Variants in BLTP1 observed in about 807,000 individuals in gnomAD.
BLTP1 encodes the protein fragile site-associated protein.
At chr4:122,234,870 A>G in the BLTP1 span, 12 of 1,613,454 alleles carry the variant, frequency 7.4e-6, no homozygotes, top group Non-Finnish European at 1.0e-5. Context: ...TGGCACAGTA[A>G]CTGGCCTAGA....
the BLTP1 span, among the ~76,000 whole-genome samples, chr4:122,280,822 A>G: frequency 1.3e-5 from 2 of 152,250 alleles, no homozygotes; most frequent in African/African-American, 4.8e-5. Context: ...TTCTGATATA[A>G]TGTTTAATCA....
chr4:122,179,893 A>G, the BLTP1 span: 52 of 985,076 alleles, frequency 5.3e-5, no homozygotes, highest in Admixed American at 6.2e-5. Context: ...CCCCCCACAT[A>G]CAGACAGGGG....
At chr4:122,345,759 C>G in the BLTP1 span, among the ~76,000 whole-genome samples, 1 of 151,910 alleles carries the variant, frequency 6.6e-6, no homozygotes, top group African/African-American at 2.4e-5. Context: ...CTTGAGGAGG[C>G]TGCTGAAGTA....
chr4:122,299,872 G>T, the BLTP1 span: 1 of 984,820 alleles, frequency 1.0e-6, no homozygotes, highest in Non-Finnish European at 1.2e-6. Context: ...AAAAGAAAAT[G>T]TAATCTGTAT....
the BLTP1 span, among the ~76,000 whole-genome samples, chr4:122,317,787 G>GA: frequency 1.3e-5 from 2 of 151,916 alleles, no homozygotes; most frequent in Non-Finnish European, 2.9e-5. Context: ...GGTCTCAGGG[G>GA]AAAAAATGAC....
the BLTP1 span, chr4:122,304,610 C>CA: frequency 3.3e-6 from 2 of 601,266 alleles, no homozygotes; most frequent in Non-Finnish European, 4.2e-6. Flanking sequence ...CACTGGAAAA[C>CA]AAAAAAATTT....
the BLTP1 span, chr4:122,274,695 T>A: frequency 1.1e-6 from 1 of 921,888 alleles, no homozygotes; most frequent in Non-Finnish European, 1.3e-6. Flanking sequence ...CAGCCTTTGA[T>A]AATTTAGGTC....
chr4:122,163,361 C>T, the BLTP1 span, among the ~76,000 whole-genome samples: 1 of 152,180 alleles, frequency 6.6e-6, no homozygotes, highest in Non-Finnish European at 1.5e-5. Flanking sequence ...AGAGCAAGGA[C>T]AATTTGAGTG....
At chr4:122,291,779 G>A in the BLTP1 span, 1 of 973,094 alleles carries the variant, frequency 1.0e-6, no homozygotes, top group Non-Finnish European at 1.2e-6. Flanking sequence ...TGGAATTAAT[G>A]CAAATAATAT....
At chr4:122,224,823 A>G in the BLTP1 span, 8 of 1,546,402 alleles carry the variant, frequency 5.2e-6, no homozygotes, top group Non-Finnish European at 7.0e-6. Flanking sequence ...GCCATTCAGA[A>G]TTTTAGTTAT....
chr4:122,279,924 G>A, the BLTP1 span: 2 of 1,614,104 alleles, frequency 1.2e-6, no homozygotes, highest in East Asian at 2.2e-5. Context: ...ATGATGGTTC[G>A]AAGTTCTCAC....
At chr4:122,290,982 C>T in the BLTP1 span, 1 of 858,122 alleles carries the variant, frequency 1.2e-6, no homozygotes, top group Non-Finnish European at 1.4e-6. Context: ...TGTGGAGTTC[C>T]TAGTATCAGA....
At chr4:122,349,819 T>C in the BLTP1 span, 4 of 1,607,714 alleles carry the variant, frequency 2.5e-6, no homozygotes, top group African/African-American at 5.3e-5. The surrounding 1 kb of genome is among the most constrained non-coding windows in gnomAD (Gnocchi z 4.5). Flanking sequence ...GAGTATCTGC[T>C]GTAAGACATC....
At chr4:122,309,287 G>A in the BLTP1 span, 1 of 1,612,618 alleles carries the variant, frequency 6.2e-7, no homozygotes, top group Non-Finnish European at 8.5e-7. Context: ...TGGAGACCTT[G>A]ACACTGGTTC....
At chr4:122,359,452 G>T in the BLTP1 span, 1 of 1,462,600 alleles carries the variant, frequency 6.8e-7, no homozygotes, top group African/African-American at 1.4e-5. Flanking sequence ...ATTAAATGAG[G>T]CTTTGGCCAG....
At chr4:122,172,368 T>C in the BLTP1 span, 1 of 690,114 alleles carries the variant, frequency 1.4e-6, no homozygotes, top group Non-Finnish European at 1.8e-6. Flanking sequence ...GTTTTGCCTT[T>C]TGTATATTCA....
the BLTP1 span, chr4:122,271,185 G>C: frequency 6.2e-7 from 1 of 1,613,938 alleles, no homozygotes; most frequent in East Asian, 2.2e-5. Flanking sequence ...ACCTTTCACT[G>C]CAACTTTACT....
chr4:122,189,140 T>A, the BLTP1 span: 1 of 878,498 alleles, frequency 1.1e-6, no homozygotes, highest in Middle Eastern at 5.8e-4. Flanking sequence ...ATTAATAATT[T>A]GTATAAAAAG....
chr4:122,155,272 G>T, the BLTP1 span, among the ~76,000 whole-genome samples: 1 of 151,730 alleles, frequency 6.6e-6, no homozygotes, highest in Non-Finnish European at 1.5e-5. Context: ...ATTTTAGTTG[G>T]TAAAGCAGGA....
Sources: allele counts gnomAD v4.1 joint callset (sites outside exome capture counted in the v4.1 genomes callset), GRCh38; gene constraint gnomAD v4.1.1; non-coding constraint Gnocchi (gnomAD v3.1); transcripts MANE v1.5; gene names NCBI Gene and HGNC (gene_info 2026-07-23, HGNC 2026-07-21).